ADCY5: variants seen among roughly 807,000 people sequenced by gnomAD.
The protein encoded by ADCY5 is adenylate cyclase type 5.
A neutral mutation model predicts 119.7 loss-of-function variants in ADCY5; 30 were observed. The ratio of observed to expected loss-of-function variants is 0.25; its 90% CI spans 0.19 to 0.34. ADCY5 has a LOEUF of 0.34. Among genes scored for constraint, ADCY5 ranks in the 10% least tolerant of loss-of-function variants. ADCY5 has a pLI of 1.00. For missense variants in ADCY5, 1,324 were observed against 1,775.2 expected (o/e 0.75, Z 4.57); for synonymous variants, 753 against 762.2 (o/e 0.99, Z 0.20).
At chr3:123,434,685 G>A (rs558739127) in intron 1 of ADCY5, among the ~76,000 whole-genome samples, 1 of 152,272 alleles carries the variant, frequency 6.6e-6, no homozygotes, top group East Asian at 1.9e-4. Flanking sequence ...GCCTCATCCC[G>A]AGAGTTAAAT....
At chr3:123,434,538 A>G (rs1285184660) in intron 1 of ADCY5, among the ~76,000 whole-genome samples, 1 of 152,236 alleles carries the variant, frequency 6.6e-6, no homozygotes, top group Non-Finnish European at 1.5e-5. Flanking sequence ...CAGAGTTGCC[A>G]TGAGAAGCAA....
intron 1 of ADCY5, among the ~76,000 whole-genome samples, chr3:123,440,919 T>A (rs1370118030): frequency 6.6e-6 from 1 of 152,214 alleles, no homozygotes; most frequent in Non-Finnish European, 1.5e-5. Context: ...CTTCCAGATC[T>A]GCATCTGTGC....
chr3:123,284,549 G>C lies in ADCY5; in HGVS notation c.*59C>G, dbSNP rs374888277. The C allele has an allele frequency of 7.1e-5, 114 of 1,606,302 alleles. 1 individual carries two copies. Among genetic ancestry groups the C allele is most frequent in the South Asian group, 5.5e-4 (50 of 90,452 alleles). On this transcript the variant is annotated 3_prime_UTR_variant, in exon 21 of 21. Transcript: ENST00000462833. The stretch of plus-strand genomic sequence containing the variant: ...GCTTCCCCGCCACCCCCGGCACACA[G>C]AGAAGCTGCTTCCATGCCTCTGGAG...
intron 2 of ADCY5, among the ~76,000 whole-genome samples, chr3:123,350,772 A>C (rs1942800958): frequency 6.6e-6 from 1 of 152,250 alleles, no homozygotes; most frequent in African/African-American, 2.4e-5. Flanking sequence ...ATTTGGTGGA[A>C]TGCCCAGACT....
intron 1 of ADCY5, among the ~76,000 whole-genome samples, chr3:123,391,496 AG>A (rs2107586285): frequency 6.6e-6 from 1 of 152,098 alleles, no homozygotes; most frequent in South Asian, 2.1e-4. Flanking sequence ...CTGAAGACTG[AG>A]GGCGGCCAAT....
Position 123,318,000 on chromosome 3 carries a change from A to G in ADCY5, c.2354+20T>C, listed in dbSNP as rs1941012719. 6.2e-7 allele frequency: 1 copy of G among 1,606,142 alleles called. No homozygotes were observed. The highest frequency in any genetic ancestry group is 8.5e-7 in the Non-Finnish European group (1 of 1,173,450). On this transcript the variant is annotated intron_variant, in intron 11 of 20. Transcript: ENST00000462833. ...CCCTGCAGCCAGAGGAAGGAGCCCA[A>G]GAGGGACGGGGATACTCACTGGGGC...
At position 123,448,639 on chromosome 3, in the gene ADCY5, G is replaced by A; in HGVS notation, c.-94C>T. ...GCGGACGGCCGAGCAGGGGGACCAGGCTAGGGTCACACGTCGGGGGCGGCC... is the reference window on the plus strand; with the variant it reads ...GCGGACGGCCGAGCAGGGGGACCAGACTAGGGTCACACGTCGGGGGCGGCC... On this transcript the variant is annotated 5_prime_UTR_variant, in exon 1 of 21. Transcript: ENST00000462833. The A allele has an allele frequency of 8.5e-7, 1 of 1,176,774 alleles. No homozygotes were observed. The highest frequency in any genetic ancestry group is 1.1e-6 in the Non-Finnish European group (1 of 932,580). 72.9% of individuals were successfully genotyped at this position (1,176,774 alleles called of 1,614,324 possible).
chr3:123,361,492 C>T, intron 1 of ADCY5, among the ~76,000 whole-genome samples: 1 of 151,268 alleles, frequency 6.6e-6, no homozygotes, highest in South Asian at 2.1e-4. Flanking sequence ...CCCACCCCAC[C>T]CTCCCCCAGC....
chr3:123,387,252 G>C (rs1047737354), intron 1 of ADCY5, among the ~76,000 whole-genome samples: 14 of 152,168 alleles, frequency 9.2e-5, no homozygotes, highest in Non-Finnish European at 1.9e-4. Flanking sequence ...ATTGGTATCA[G>C]GCTTTGAAAT....
chr3:123,340,273 G>C (rs1223930118), intron 3 of ADCY5, among the ~76,000 whole-genome samples: 1 of 152,082 alleles, frequency 6.6e-6, no homozygotes, highest in African/African-American at 2.4e-5. Flanking sequence ...CTGGGTGACA[G>C]ACTGAGACTT....
At position 123,358,753 on chromosome 3, in the gene ADCY5, A is replaced by G. The variant is rs904599557; in HGVS notation, c.1135-6172T>C. Among the ~76,000 whole-genome samples the G allele has an allele frequency of 1.4e-4, 21 of 152,196 alleles. 1 individual carries two copies. The highest frequency in any genetic ancestry group is 2.4e-5 in the African/African-American group (1 of 41,450). ...TTCTCAGAGTCAAAACCGAGGGGAG[A>G]TGCCTATGAATATTTAATACTTCTA... On this transcript the variant is annotated intron_variant, in intron 1 of 20. Transcript: ENST00000462833.
chr3:123,402,925 GT>G, intron 1 of ADCY5, among the ~76,000 whole-genome samples: 1 of 151,748 alleles, frequency 6.6e-6, no homozygotes, highest in South Asian at 2.1e-4. Context: ...ATGTATTTAT[GT>G]TATATTTATT....
intron 1 of ADCY5, among the ~76,000 whole-genome samples, chr3:123,383,353 G>A (rs1212051755): frequency 1.3e-5 from 2 of 152,222 alleles, no homozygotes; most frequent in Admixed American, 6.5e-5. Flanking sequence ...CGCCTCCTCG[G>A]GAATGTGAAG....
At chr3:123,442,676 A>G (rs1173430349) in intron 1 of ADCY5, among the ~76,000 whole-genome samples, 1 of 152,168 alleles carries the variant, frequency 6.6e-6, no homozygotes, top group Admixed American at 6.5e-5. Flanking sequence ...CCACAAATAC[A>G]GCAGCTGGGC....
In ADCY5 at chr3:123,319,869, G is replaced by A. The variant is rs527640741; in HGVS notation, c.2112-51C>T. 2.6e-5 allele frequency: 41 copies of A among 1,597,310 alleles called. No individual in the cohort carries two copies. In the South Asian group the frequency reaches 4.2e-4, roughly 16 times the overall value. On this transcript the variant is annotated intron_variant, in intron 9 of 20. Transcript: ENST00000462833. ...AGACAGGCTGACCACAGGGGCACCAGCAGAGGGCTGGCTCTTCCGACCATC... is the reference window on the plus strand; with the variant it reads ...AGACAGGCTGACCACAGGGGCACCAACAGAGGGCTGGCTCTTCCGACCATC...
chr3:123,448,585 A>G lies in ADCY5; in HGVS notation c.-40T>C. 7.9e-7 allele frequency: 1 copy of G among 1,263,538 alleles called. No individual in the cohort carries two copies. 78.3% of individuals were successfully genotyped at this position (1,263,538 alleles called of 1,614,324 possible). On this transcript the variant is annotated 5_prime_UTR_variant, in exon 1 of 21. Coordinates refer to ENST00000462833, the MANE Select transcript of ADCY5 (RefSeq NM_183357.3). ...CGTCGTCTCCTTCCTCCTCCCCCGG[A>G]AGCCGGGCCGGGGGTCTCCAAGGGG... is the stretch of plus-strand genomic sequence containing the variant.
At chr3:123,364,435 T>C (rs1576626542) in intron 1 of ADCY5, among the ~76,000 whole-genome samples, 1 of 152,108 alleles carries the variant, frequency 6.6e-6, no homozygotes, top group East Asian at 1.9e-4. Context: ...TGTCTGCAGA[T>C]GGGCAGGACC....
rs1942864347 is a variant in ADCY5, at chr3:123,352,299, T to C, written c.1284+133A>G. On this transcript the variant is annotated intron_variant, in intron 2 of 20. Coordinates refer to ENST00000462833, the MANE Select transcript of ADCY5 (RefSeq NM_183357.3). This position sits in a 1 kb window ranked among gnomAD's most constrained non-coding sequence, Gnocchi z 4.8. ...CTCTCTCCAGGGGAAACATTCCCCA[T>C]GGGTTGGTCCCCTCCCGGGGAGTGG... 1 of 1,108,042 alleles carries C rather than the reference T, an allele frequency of 9.0e-7. No individual in the cohort carries two copies. The highest frequency in any genetic ancestry group is 1.2e-6 in the Non-Finnish European group (1 of 808,898). The allele number at this position is 1,108,042 out of a possible 1,614,324, so 68.6% of individuals were successfully genotyped here.
intron 11 of ADCY5, among the ~76,000 whole-genome samples, chr3:123,317,759 A>AAG (rs1226401141): frequency 6.6e-6 from 1 of 151,702 alleles, no homozygotes; most frequent in African/African-American, 2.4e-5. Flanking sequence ...CCAAAAAAAA[A>AAG]AAAAAAAGAA....
Sources: allele counts gnomAD v4.1 joint callset (sites outside exome capture counted in the v4.1 genomes callset), GRCh38; gene constraint gnomAD v4.1.1; non-coding constraint Gnocchi (gnomAD v3.1); transcripts MANE v1.5; gene names NCBI Gene and HGNC (gene_info 2026-07-23, HGNC 2026-07-21).